Variants in NXPH1 observed in about 807,000 individuals in gnomAD.
NXPH1 encodes the protein neurexophilin-1.
Under a neutral mutation model 23.7 loss-of-function variants are expected in NXPH1, and 5 were observed. That is an observed-to-expected ratio of 0.21 (90% CI 0.11 to 0.44). NXPH1 has a LOEUF of 0.44. Ranked by LOEUF, NXPH1 falls within the 20% of genes least tolerant of loss-of-function variation. NXPH1 has a pLI of 0.99. For missense variants in NXPH1, 324 were observed against 321.6 expected (o/e 1.01, Z -0.06); for synonymous variants, 144 against 122.2 (o/e 1.18, Z -1.18).
chr7:8,731,777 G>T (rs570619507), intron 2 of NXPH1, among the ~76,000 whole-genome samples: 1 of 152,240 alleles, frequency 6.6e-6, no homozygotes, highest in Non-Finnish European at 1.5e-5. Context: ...TTCTGCAGAG[G>T]TTACTGCTGT....
At chr7:8,458,173 C>T (rs1368459249) in intron 2 of NXPH1, among the ~76,000 whole-genome samples, 2 of 152,140 alleles carry the variant, frequency 1.3e-5, no homozygotes, top group East Asian at 1.9e-4. Flanking sequence ...TGGGACTGTA[C>T]TGATGTGAAA....
chr7:8,687,047 A>G (rs993866547), intron 2 of NXPH1, among the ~76,000 whole-genome samples: 5 of 152,164 alleles, frequency 3.3e-5, no homozygotes, highest in Non-Finnish European at 7.4e-5. Context: ...GCAAGTGCTA[A>G]GTAAGGGTCT....
chr7:8,584,331 C>T (rs1818939122), intron 2 of NXPH1, among the ~76,000 whole-genome samples: 1 of 152,138 alleles, frequency 6.6e-6, no homozygotes, highest in Non-Finnish European at 1.5e-5. Context: ...ACATTGTTCC[C>T]CAATCCCTGT....
At chr7:8,657,474 CG>C (rs1208597005) in intron 2 of NXPH1, among the ~76,000 whole-genome samples, 3 of 152,088 alleles carry the variant, frequency 2.0e-5, no homozygotes, top group African/African-American at 7.2e-5. Flanking sequence ...GGAAACAAGG[CG>C]AAAGTAGAGA....
At chr7:8,732,676 G>A (rs1381586142) in intron 2 of NXPH1, among the ~76,000 whole-genome samples, 2 of 151,868 alleles carry the variant, frequency 1.3e-5, no homozygotes, top group African/African-American at 4.8e-5. Context: ...ATGTACTCAG[G>A]GGTCCTTAGA....
intron 2 of NXPH1, among the ~76,000 whole-genome samples, chr7:8,603,727 C>T (rs544571813): frequency 6.6e-6 from 1 of 152,102 alleles, no homozygotes; most frequent in East Asian, 1.9e-4. Context: ...TTTTTACTCT[C>T]TCCAGGATCT....
chr7:8,712,620 A>C (rs1428728811), intron 2 of NXPH1, among the ~76,000 whole-genome samples: 3 of 152,202 alleles, frequency 2.0e-5, no homozygotes, highest in African/African-American at 7.2e-5. Context: ...GAATAATAAC[A>C]TCTCTGCATC....
chr7:8,702,378 C>T (rs547206882), intron 2 of NXPH1, among the ~76,000 whole-genome samples: 13 of 152,036 alleles, frequency 8.6e-5, no homozygotes, highest in Non-Finnish European at 1.8e-4. Flanking sequence ...TTATGTTTCA[C>T]TTATTCAAAC....
At chr7:8,598,023 C>G (rs1819265445) in intron 2 of NXPH1, among the ~76,000 whole-genome samples, 1 of 152,084 alleles carries the variant, frequency 6.6e-6, no homozygotes, top group African/African-American at 2.4e-5. Context: ...AGCAAATAGG[C>G]TTTGCATGAT....
intron 2 of NXPH1, among the ~76,000 whole-genome samples, chr7:8,726,007 G>C (rs1449249324): frequency 6.6e-6 from 1 of 152,064 alleles, no homozygotes; most frequent in Admixed American, 6.6e-5. Flanking sequence ...CTAACAAAAG[G>C]CTTCCAGGTG....
chr7:8,552,607 G>A (rs1818297091), intron 2 of NXPH1, among the ~76,000 whole-genome samples: 1 of 151,464 alleles, frequency 6.6e-6, no homozygotes, highest in Admixed American at 6.6e-5. Context: ...TTCTTGAACT[G>A]TTTTCACTCT....
intron 2 of NXPH1, among the ~76,000 whole-genome samples, chr7:8,534,126 C>A (rs1242543091): frequency 6.6e-6 from 1 of 152,078 alleles, no homozygotes; most frequent in African/African-American, 2.4e-5. Flanking sequence ...TTCTATAGAT[C>A]AAGCTATCAC....
intron 2 of NXPH1, among the ~76,000 whole-genome samples, chr7:8,732,709 A>T (rs1780179548): frequency 1.3e-5 from 2 of 152,210 alleles, no homozygotes; most frequent in South Asian, 2.1e-4. Context: ...TATAACTTTT[A>T]AAAAAATGTA....
chr7:8,535,191 T>C (rs1818008868), intron 2 of NXPH1, among the ~76,000 whole-genome samples: 2 of 152,032 alleles, frequency 1.3e-5, no homozygotes, highest in Non-Finnish European at 2.9e-5. Context: ...AAATTATGCA[T>C]TTGGTAGTAG....
intron 2 of NXPH1, among the ~76,000 whole-genome samples, chr7:8,631,440 C>T (rs913822918): frequency 6.6e-6 from 1 of 152,124 alleles, no homozygotes; most frequent in African/African-American, 2.4e-5. Flanking sequence ...TCTAATTAAA[C>T]TAAAGAGCTG....
In NXPH1 at chr7:8,496,877, TA is replaced by T. The variant is rs1817346277; in HGVS notation, c.54+61115del. Among the ~76,000 whole-genome samples the T allele has an allele frequency of 2.6e-5, 4 of 152,230 alleles. No individual in the cohort carries two copies. In the South Asian group the frequency reaches 8.3e-4, roughly 32 times the overall value. ...GGTAGGTAAATAAAAACAGATTTTT[TA>T]AAAATTATACTTTAAGTTCTAGGGT... On this transcript the variant is annotated intron_variant, in intron 2 of 2. Transcript: ENST00000405863.
Position 8,734,141 on chromosome 7 carries a change from C to T in NXPH1, c.55-16867C>T, listed in dbSNP as rs149601427. 6.9e-3 allele frequency among the ~76,000 whole-genome samples: 1,045 copies of T among 152,190 alleles called. 13 individuals are homozygous for T. Among genetic ancestry groups the T allele is most frequent in the African/African-American group, 0.023 (967 of 41,530 alleles). ...TTTATTAAATAGAAAATCCTTTCCC[C>T]GTTGCTTGTTTTTGTCAGGTTTGTC... On this transcript the variant is annotated intron_variant, in intron 2 of 2. Transcript: ENST00000405863.
intron 2 of NXPH1, among the ~76,000 whole-genome samples, chr7:8,486,919 A>T (rs902585102): frequency 6.6e-5 from 10 of 152,128 alleles, no homozygotes; most frequent in African/African-American, 1.9e-4. Context: ...GCCCTTTATT[A>T]TTTCTTGCAT....
intron 2 of NXPH1, among the ~76,000 whole-genome samples, chr7:8,523,502 T>C (rs1584209949): frequency 6.6e-6 from 1 of 152,228 alleles, no homozygotes; most frequent in Non-Finnish European, 1.5e-5. Flanking sequence ...TCTAAAACTG[T>C]GTCCCAAGGA....
Sources: allele counts gnomAD v4.1 joint callset (sites outside exome capture counted in the v4.1 genomes callset), GRCh38; gene constraint gnomAD v4.1.1; transcripts MANE v1.5; gene names NCBI Gene and HGNC (gene_info 2026-07-23, HGNC 2026-07-21).